PAPPA2: variants seen among roughly 807,000 people sequenced by gnomAD.
The protein encoded by PAPPA2 is pappalysin 2.
A neutral mutation model predicts 176.4 loss-of-function variants in PAPPA2; 86 were observed. The observed-to-expected ratio is 0.49, with a 90% confidence interval of 0.41 to 0.58. The LOEUF (loss-of-function observed/expected upper bound fraction) is 0.58. Ranked by LOEUF, PAPPA2 falls within the 20% of genes least tolerant of loss-of-function variation. PAPPA2 has a pLI of 0.00. For synonymous variants in PAPPA2, 809 were observed against 852.2 expected (o/e 0.95, Z 0.88); for missense variants, 2,073 against 2,256.9 (o/e 0.92, Z 1.65).
intron 1 of PAPPA2, among the ~76,000 whole-genome samples, chr1:176,526,933 C>T (rs1358485255): frequency 6.6e-6 from 1 of 152,176 alleles, no homozygotes; most frequent in Non-Finnish European, 1.5e-5. Flanking sequence ...GGCAATGGTG[C>T]TCAATACAAC....
chr1:176,584,124 T>C lies in PAPPA2; in HGVS notation c.920-10400T>C, dbSNP rs368251460. Among the ~76,000 whole-genome samples the C allele has an allele frequency of 3.9e-5, 6 of 152,302 alleles. 1 individual carries two copies. The East Asian group carries it at 1.2e-3, about 29-fold the overall frequency. On this transcript the variant is annotated intron_variant, in intron 2 of 22. Transcript: ENST00000367662. ...ATGTTACATGTACTGATAAAAAGAATGTGTATTCTGCAGCTGTTGTGTGAA... is the reference window on the plus strand; with the variant it reads ...ATGTTACATGTACTGATAAAAAGAACGTGTATTCTGCAGCTGTTGTGTGAA...
intron 14 of PAPPA2, among the ~76,000 whole-genome samples, chr1:176,762,479 G>A (rs1186860874): frequency 6.6e-6 from 1 of 152,114 alleles, no homozygotes; most frequent in African/African-American, 2.4e-5. Context: ...TTAATTGGAC[G>A]AAGTCACTCA....
chr1:176,687,326 A>G (rs935418089), intron 4 of PAPPA2, among the ~76,000 whole-genome samples: 2 of 152,174 alleles, frequency 1.3e-5, no homozygotes, highest in East Asian at 3.8e-4. Context: ...TGTCCTGGGT[A>G]TGGAGGGGAT....
At chr1:176,578,320 G>A (rs1295904382) in intron 2 of PAPPA2, among the ~76,000 whole-genome samples, 1 of 152,162 alleles carries the variant, frequency 6.6e-6, no homozygotes, top group African/African-American at 2.4e-5. Context: ...CTAACGTTAT[G>A]GGGAAAATCA....
intron 3 of PAPPA2, among the ~76,000 whole-genome samples, chr1:176,666,583 GT>G (rs1454263402): frequency 1.3e-5 from 2 of 149,002 alleles, no homozygotes; most frequent in East Asian, 3.9e-4. Context: ...GTGTGTGTGT[GT>G]GTGTGTGTGT....
chr1:176,713,435 A>G (rs186394794), intron 12 of PAPPA2, among the ~76,000 whole-genome samples: 3 of 152,172 alleles, frequency 2.0e-5, no homozygotes, highest in African/African-American at 7.2e-5. Context: ...CAAAGGGGAT[A>G]ATCAAAGTAA....
intron 21 of PAPPA2, among the ~76,000 whole-genome samples, chr1:176,823,678 C>A (rs1260422631): frequency 6.6e-6 from 1 of 152,144 alleles, no homozygotes; most frequent in East Asian, 1.9e-4. Flanking sequence ...AGGAGGAATA[C>A]AAAGTGAGGC....
chr1:176,661,898 A>T (rs569740000), intron 3 of PAPPA2, among the ~76,000 whole-genome samples: 2 of 152,036 alleles, frequency 1.3e-5, no homozygotes, highest in Admixed American at 1.3e-4. Context: ...ATGTTTGATT[A>T]TCTAAGCATA....
At chr1:176,574,549 G>T (rs1652538053) in intron 2 of PAPPA2, among the ~76,000 whole-genome samples, 1 of 152,094 alleles carries the variant, frequency 6.6e-6, no homozygotes, top group Admixed American at 6.6e-5. Context: ...GCTATTTGTG[G>T]GTCTAGATCA....
chr1:176,826,464 C>T (rs936511476), intron 21 of PAPPA2, among the ~76,000 whole-genome samples: 1 of 152,096 alleles, frequency 6.6e-6, no homozygotes, highest in Non-Finnish European at 1.5e-5. Context: ...ACAAGACACT[C>T]GCACAGAGAA....
intron 2 of PAPPA2, among the ~76,000 whole-genome samples, chr1:176,570,183 C>T (rs1652239468): frequency 6.6e-6 from 1 of 152,282 alleles, no homozygotes; most frequent in Middle Eastern, 3.4e-3. Context: ...AATCTTGCTA[C>T]CTGAAGACGA....
At chr1:176,608,879 T>C (rs2102674270) in intron 3 of PAPPA2, among the ~76,000 whole-genome samples, 1 of 152,356 alleles carries the variant, frequency 6.6e-6, no homozygotes, top group South Asian at 2.1e-4. Context: ...TTAAAATTTA[T>C]TTTTGTATAT....
intron 3 of PAPPA2, among the ~76,000 whole-genome samples, chr1:176,660,932 T>C (rs969875604): frequency 5.3e-5 from 8 of 152,098 alleles, no homozygotes; most frequent in Admixed American, 2.0e-4. Flanking sequence ...TATCAGGAGT[T>C]GAAATATGTT....
chr1:176,787,240 T>G lies in PAPPA2; in HGVS notation c.4716-2569T>G, dbSNP rs934196096. On this transcript the variant is annotated intron_variant, in intron 17 of 22. Transcript: ENST00000367662. ...TGCTAAAAAATTCCAGTCATAAAAA[T>G]CAGATTTTTTTTTTTTTGGACACAG... Among the ~76,000 whole-genome samples, 4 of 151,862 alleles carry G rather than the reference T, an allele frequency of 2.6e-5. No individual in the cohort carries two copies. The South Asian group carries it at 8.3e-4, about 32-fold the overall frequency.
intron 12 of PAPPA2, among the ~76,000 whole-genome samples, chr1:176,731,081 C>G (rs906454571): frequency 6.6e-5 from 10 of 152,094 alleles, no homozygotes; most frequent in African/African-American, 2.2e-4. Context: ...GTGTCTACCA[C>G]TTTTACCAAT....
At chr1:176,543,825 C>T (rs1028065791) in intron 1 of PAPPA2, among the ~76,000 whole-genome samples, 10 of 152,160 alleles carry the variant, frequency 6.6e-5, no homozygotes, top group African/African-American at 2.2e-4. Flanking sequence ...TTTCCAATGA[C>T]GTGTGATCTG....
chr1:176,478,313 AG>A (rs2102474890), intron 1 of PAPPA2, among the ~76,000 whole-genome samples: 1 of 152,366 alleles, frequency 6.6e-6, no homozygotes, highest in East Asian at 1.9e-4. Context: ...TTTGGAGTAA[AG>A]GGTAATGGCT....
intron 19 of PAPPA2, among the ~76,000 whole-genome samples, chr1:176,791,936 TG>T (rs1665195565): frequency 6.6e-6 from 1 of 152,232 alleles, no homozygotes; most frequent in Non-Finnish European, 1.5e-5. Context: ...TTGAGATTTA[TG>T]GCAACTTTGA....
chr1:176,779,517 CACAGAGAG>C (rs994284493), intron 17 of PAPPA2, among the ~76,000 whole-genome samples: 1 of 109,738 alleles, frequency 9.1e-6, no homozygotes, highest in African/African-American at 2.9e-5. Context: ...CACACACACA[CACAGAGAG>C]AGAGAGAGAG....
Sources: gnomAD v4.1 joint callset for allele counts (sites outside exome capture counted in the v4.1 genomes callset) on GRCh38, gnomAD v4.1.1 for gene constraint, MANE v1.5 for transcripts, NCBI Gene and HGNC (gene_info 2026-07-23, HGNC 2026-07-21) for gene names.